Variants in KCNIP1 observed in about 807,000 individuals in gnomAD.
KCNIP1 encodes potassium voltage-gated channel interacting protein 1.
Under a neutral mutation model 33.0 loss-of-function variants are expected in KCNIP1, and 18 were observed. That is an observed-to-expected ratio of 0.55 (90% CI 0.38 to 0.81). The LOEUF is 0.81. Among genes scored for constraint, KCNIP1 ranks in the 30% least tolerant of loss-of-function variants. The pLI is 0.00. For synonymous variants in KCNIP1, 93 were observed against 98.3 expected (o/e 0.95, Z 0.32); for missense variants, 238 against 271.6 (o/e 0.88, Z 0.87).
intron 1 of KCNIP1, among the ~76,000 whole-genome samples, chr5:170,419,369 C>T (rs1755417985): frequency 6.6e-6 from 1 of 152,192 alleles, no homozygotes; most frequent in Admixed American, 6.5e-5. Flanking sequence ...ACCAAATATT[C>T]CCTCCCGGTC....
At chr5:170,437,924 A>G (rs1755902231) in intron 1 of KCNIP1, among the ~76,000 whole-genome samples, 1 of 152,176 alleles carries the variant, frequency 6.6e-6, no homozygotes, top group South Asian at 2.1e-4. Context: ...CCTTCCCCGG[A>G]GTTGGCTCTG....
chr5:170,365,248 T>C lies in KCNIP1; in HGVS notation c.88+11284T>C, dbSNP rs143943733. On this transcript the variant is annotated intron_variant, in intron 1 of 7. Coordinates refer to the KCNIP1 transcript ENST00000377360. ...AGCCAGACGCAGAGCTGGCCTTGAA[T>C]CTGGGCTTCCTCCTCTTTCCATTCC... is the stretch of plus-strand genomic sequence containing the variant. Among the ~76,000 whole-genome samples the C allele has an allele frequency of 3.8e-3, 580 of 152,218 alleles. 3 individuals carry two copies. Among genetic ancestry groups the C allele is most frequent in the African/African-American group, 0.013 (544 of 41,526 alleles).
intron 1 of KCNIP1, among the ~76,000 whole-genome samples, chr5:170,573,317 C>T (rs970415848): frequency 6.6e-6 from 1 of 152,182 alleles, no homozygotes; most frequent in Non-Finnish European, 1.5e-5. Flanking sequence ...GAAATTCGAG[C>T]ACTCTTGAAT....
chr5:170,735,897 C>A lies in KCNIP1; in HGVS notation c.*91C>A. The A allele has an allele frequency of 8.8e-7, 1 of 1,134,256 alleles. No individual in the cohort carries two copies. Among genetic ancestry groups the A allele is most frequent in the Non-Finnish European group, 1.3e-6 (1 of 753,062 alleles). 70.3% of individuals were successfully genotyped at this position (1,134,256 alleles called of 1,614,324 possible). Reference sequence around the variant, plus strand: ...CTGCCCTTGTTCTGATTTTACACACCAACTCTTGGGACAGAAACACCTTTT... The same window carrying A: ...CTGCCCTTGTTCTGATTTTACACACAAACTCTTGGGACAGAAACACCTTTT... On this transcript the variant is annotated 3_prime_UTR_variant, in exon 8 of 8. Coordinates refer to ENST00000328939, the MANE Select transcript of KCNIP1 (RefSeq NM_014592.4).
intron 1 of KCNIP1, among the ~76,000 whole-genome samples, chr5:170,366,196 A>C (rs1763655104): frequency 6.6e-6 from 1 of 152,202 alleles, no homozygotes; most frequent in African/African-American, 2.4e-5. Flanking sequence ...AGAACCTTTA[A>C]AATCTCCTGT....
intron 1 of KCNIP1, among the ~76,000 whole-genome samples, chr5:170,400,177 C>T (rs1754863808): frequency 6.6e-6 from 1 of 152,126 alleles, no homozygotes; most frequent in African/African-American, 2.4e-5. Context: ...TGCCTTATTC[C>T]TTGCATTAGT....
chr5:170,666,992 G>T (rs932036462), intron 1 of KCNIP1, among the ~76,000 whole-genome samples: 2 of 152,234 alleles, frequency 1.3e-5, no homozygotes, highest in Non-Finnish European at 2.9e-5. Context: ...TCAGAGAAAG[G>T]CCTGGTAAGA....
intron 1 of KCNIP1, among the ~76,000 whole-genome samples, chr5:170,696,538 C>A (rs1249303174): frequency 6.6e-6 from 1 of 152,124 alleles, no homozygotes; most frequent in African/African-American, 2.4e-5. Flanking sequence ...GAGGAGGTAG[C>A]CCTTGAAACG....
chr5:170,396,177 G>A (rs548836417), intron 1 of KCNIP1, among the ~76,000 whole-genome samples: 1 of 152,338 alleles, frequency 6.6e-6, no homozygotes, highest in African/African-American at 2.4e-5. Flanking sequence ...ACAGGTTATA[G>A]GAAACCACAG....
intron 1 of KCNIP1, among the ~76,000 whole-genome samples, chr5:170,475,813 C>A (rs998747622): frequency 2.0e-5 from 3 of 152,074 alleles, no homozygotes; most frequent in African/African-American, 7.2e-5. Flanking sequence ...GAATCCACCC[C>A]CTGCCGAGAA....
intron 1 of KCNIP1, among the ~76,000 whole-genome samples, chr5:170,632,937 T>TG (rs1760115756): frequency 1.3e-5 from 2 of 152,080 alleles, no homozygotes; most frequent in South Asian, 4.2e-4. Flanking sequence ...TTCCCTCGCG[T>TG]GGGGGTGGGT....
chr5:170,546,021 A>T (rs1318974467), intron 1 of KCNIP1, among the ~76,000 whole-genome samples: 1 of 152,168 alleles, frequency 6.6e-6, no homozygotes, highest in Non-Finnish European at 1.5e-5. Context: ...GTCAGGGTGA[A>T]GGCTGATGAC....
chr5:170,415,717 G>A (rs543059699), intron 1 of KCNIP1, among the ~76,000 whole-genome samples: 1 of 152,218 alleles, frequency 6.6e-6, no homozygotes, highest in South Asian at 2.1e-4. Flanking sequence ...CCTCTCCCCT[G>A]GGCTATGAGC....
At chr5:170,611,546 C>T (rs1459841658) in intron 1 of KCNIP1, among the ~76,000 whole-genome samples, 1 of 152,180 alleles carries the variant, frequency 6.6e-6, no homozygotes, top group Non-Finnish European at 1.5e-5. Context: ...TCACATACAT[C>T]CACTCAGGGT....
At chr5:170,377,121 C>A (rs76157886) in intron 1 of KCNIP1, 10,436 of 152,332 alleles carry the variant, frequency 0.069, 435 homozygotes, top group Middle Eastern at 0.16. Context: ...AACTTCACAC[C>A]CAGCTCAGGA....
At chr5:170,488,971 T>A (rs1208346970) in intron 1 of KCNIP1, among the ~76,000 whole-genome samples, 3 of 152,118 alleles carry the variant, frequency 2.0e-5, no homozygotes, top group Admixed American at 2.0e-4. Flanking sequence ...GGGGTGTAAT[T>A]ACCAAGCCAG....
intron 1 of KCNIP1, among the ~76,000 whole-genome samples, chr5:170,565,421 G>A (rs574202853): frequency 1.3e-5 from 2 of 152,152 alleles, no homozygotes; most frequent in Non-Finnish European, 2.9e-5. Context: ...GAAGCTCAGG[G>A]ACAGATTTTA....
At chr5:170,420,004 C>T (rs1297834386) in intron 1 of KCNIP1, among the ~76,000 whole-genome samples, 3 of 152,244 alleles carry the variant, frequency 2.0e-5, no homozygotes, top group African/African-American at 7.2e-5. Flanking sequence ...CGACCCTTCC[C>T]CGCCCACTGT....
intron 1 of KCNIP1, among the ~76,000 whole-genome samples, chr5:170,415,670 G>A (rs1236095951): frequency 6.6e-6 from 1 of 152,204 alleles, no homozygotes; most frequent in African/African-American, 2.4e-5. Flanking sequence ...GGAGCTCTCT[G>A]ATCATTCCCT....
Sources: allele counts gnomAD v4.1 joint callset (sites outside exome capture counted in the v4.1 genomes callset), GRCh38; gene constraint gnomAD v4.1.1; transcripts MANE v1.5; gene names NCBI Gene and HGNC (gene_info 2026-07-23, HGNC 2026-07-21).